The following HIBCH variants were observed in gnomAD, a reference collection of about 807,000 sequenced individuals.
HIBCH encodes the protein 3-hydroxyisobutyryl-CoA hydrolase, also known as 3-hydroxyisobutyryl-CoA hydrolase, mitochondrial.
A neutral mutation model predicts 58.2 loss-of-function variants in HIBCH; 50 were observed. The ratio of observed to expected loss-of-function variants is 0.86; its 90% confidence interval spans 0.68 to 1.09. The LOEUF is 1.09. HIBCH is among the 50% of genes least tolerant of loss of function. The pLI, the probability that HIBCH is intolerant of heterozygous loss-of-function variation, is 0.00. For synonymous variants in HIBCH, 151 were observed against 146.9 expected (o/e 1.03, Z -0.20); for missense variants, 450 against 449.7 (o/e 1.00, Z -0.01).
At chr2:190,219,755 G>A (rs1685663885) in intron 11 of HIBCH, among the ~76,000 whole-genome samples, 1 of 152,182 alleles carries the variant, frequency 6.6e-6, no homozygotes, top group African/African-American at 2.4e-5. Context: ...TAAATTGCTT[G>A]TTAAAACCAT....
intron 2 of HIBCH, among the ~76,000 whole-genome samples, chr2:190,303,315 C>T (rs1414639948): frequency 6.6e-6 from 1 of 152,026 alleles, no homozygotes; most frequent in African/African-American, 2.4e-5. Flanking sequence ...ATCTTGATTT[C>T]CAAATGCAAT....
intron 11 of HIBCH, among the ~76,000 whole-genome samples, chr2:190,229,121 T>C (rs1004105592): frequency 6.6e-6 from 1 of 152,216 alleles, no homozygotes. Flanking sequence ...GTAGAGGCTA[T>C]ATCCTGAGAT....
intron 6 of HIBCH, among the ~76,000 whole-genome samples, chr2:190,273,867 T>C (rs1476773770): frequency 6.6e-6 from 1 of 152,078 alleles, no homozygotes; most frequent in East Asian, 1.9e-4. Flanking sequence ...TCAGATGCAG[T>C]GAGACAATCA....
intron 1 of HIBCH, among the ~76,000 whole-genome samples, chr2:190,312,077 C>CA (rs528060546): frequency 4.1e-4 from 63 of 152,146 alleles, no homozygotes; most frequent in African/African-American, 1.4e-3. Context: ...TACTCAAGTG[C>CA]CTTATGTAAA....
intron 11 of HIBCH, among the ~76,000 whole-genome samples, chr2:190,220,869 C>T (rs1236116807): frequency 2.0e-5 from 3 of 152,138 alleles, no homozygotes; most frequent in Non-Finnish European, 4.4e-5. Flanking sequence ...GTCAATGAAG[C>T]TCCAATTCCC....
In HIBCH at chr2:190,304,563, G is replaced by C. The variant is rs1688355271; in HGVS notation, c.78+6191C>G. ...TACCTTTCAATACATCCACACTGGGGGTTAAATTTCGAAATGAGTTTTGGA... is the reference window on the plus strand; with the variant it reads ...TACCTTTCAATACATCCACACTGGGCGTTAAATTTCGAAATGAGTTTTGGA... On this transcript the variant is annotated intron_variant, in intron 2 of 13. Transcript: ENST00000359678. The surrounding 1 kb of genome is among the most constrained non-coding windows in gnomAD (Gnocchi z 4.1). Among the ~76,000 whole-genome samples the C allele has an allele frequency of 6.6e-6, 1 of 152,100 alleles. No individual in the cohort carries two copies. The highest frequency in any genetic ancestry group is 1.5e-5 in the Non-Finnish European group (1 of 68,010).
At chr2:190,192,221 C>T (rs577781832) in intron 1 of HIBCH, among the ~76,000 whole-genome samples, 6 of 151,888 alleles carry the variant, frequency 4.0e-5, no homozygotes, top group African/African-American at 1.4e-4. Context: ...ATCCTTTTTG[C>T]ATTCATTGTT....
At chr2:190,251,254 C>G (rs1340968418) in intron 8 of HIBCH, among the ~76,000 whole-genome samples, 116 of 151,948 alleles carry the variant, frequency 7.6e-4, no homozygotes, top group Admixed American at 7.6e-3. Flanking sequence ...CCTAAAACAC[C>G]CTTCCCTTAA....
At chr2:190,199,784 A>G (rs1382245286), downstream of HIBCH, 2 of 1,561,488 alleles carry the variant, frequency 1.3e-6, no homozygotes, top group African/African-American at 2.7e-5. Flanking sequence ...CATCACATGG[A>G]CAAATTTCAT....
In HIBCH at chr2:190,249,668, G is replaced by A. The variant is rs1232768273; in HGVS notation, c.722C>T (p.Ala241Val). The A allele has an allele frequency of 6.2e-7, 1 of 1,604,522 alleles. No homozygotes were observed. Among genetic ancestry groups the A allele is most frequent in the South Asian group, 1.1e-5 (1 of 90,838 alleles). ...TGTATGGTAATTTTCTAAGACAGATGCAATATTTTCTTTTGAAGGAGATTT... is the reference window on the plus strand; with the variant it reads ...TGTATGGTAATTTTCTAAGACAGATACAATATTTTCTTTTGAAGGAGATTT... The part of the protein sequence containing the change: ...ALKSPSKENI[A>V]SVLENYHTES... Residue 241 changes from alanine to valine, a missense_variant, in exon 9 of 14, where the codon GCA (alanine) becomes GTA (valine). By Grantham distance (64) the Ala-to-Val change is moderately conservative. Transcript: ENST00000359678.
intron 7 of HIBCH, among the ~76,000 whole-genome samples, chr2:190,258,857 C>T (rs901629952): frequency 1.3e-5 from 2 of 152,156 alleles, no homozygotes; most frequent in African/African-American, 4.8e-5. Context: ...GTTTTTCTGA[C>T]ATCATTTATT....
At chr2:190,271,436 C>T (rs181425971) in intron 6 of HIBCH, among the ~76,000 whole-genome samples, 15 of 151,792 alleles carry the variant, frequency 9.9e-5, no homozygotes, top group Admixed American at 3.3e-4. Flanking sequence ...ATTACAGGTG[C>T]GCACCACTGG....
At chr2:190,203,424 A>C (rs1265021003), downstream of HIBCH, 1 of 166,934 alleles carries the variant, frequency 6.0e-6, no homozygotes, top group African/African-American at 2.4e-5. Flanking sequence ...TATTTTTTCC[A>C]AATATTTTTC....
intron 1 of HIBCH, among the ~76,000 whole-genome samples, chr2:190,195,940 G>GTT (rs1559000757): frequency 2.9e-5 from 1 of 34,362 alleles, no homozygotes; most frequent in African/African-American, 6.4e-5. Context: ...ACTGTGTCCA[G>GTT]CTTTTTTTTT....
At chr2:190,230,410 T>C (rs1156882785) in intron 11 of HIBCH, among the ~76,000 whole-genome samples, 3 of 152,230 alleles carry the variant, frequency 2.0e-5, no homozygotes, top group African/African-American at 7.2e-5. Context: ...GTATTCTTTA[T>C]TAAAGAAATA....
intron 11 of HIBCH, among the ~76,000 whole-genome samples, chr2:190,219,357 A>C (rs894862915): frequency 6.6e-6 from 1 of 152,234 alleles, no homozygotes; most frequent in African/African-American, 2.4e-5. Context: ...AAGTGCCCTG[A>C]ATCGGCTTAG....
At chr2:190,305,866 T>C (rs930083540) in intron 2 of HIBCH, among the ~76,000 whole-genome samples, 5 of 152,266 alleles carry the variant, frequency 3.3e-5, no homozygotes, top group Admixed American at 2.0e-4. Context: ...ATAATCTCAG[T>C]AAGATTTTTT....
rs1317966208 is a variant in HIBCH at position 190,315,669 on chromosome 2, C to T, written c.35+4047G>A. Among the ~76,000 whole-genome samples, 1 of 152,110 alleles carries T rather than the reference C, an allele frequency of 6.6e-6. No individual in the cohort carries two copies. Among genetic ancestry groups the T allele is most frequent in the Non-Finnish European group, 1.5e-5 (1 of 68,020 alleles). On this transcript the variant is annotated intron_variant, in intron 1 of 13. Transcript: ENST00000359678. This position sits in a 1 kb window ranked among gnomAD's most constrained non-coding sequence, Gnocchi z 5.4. ...ATCCCAGAAGTAGGCAAGGTGTGAA[C>T]AGAGCAGAAAATCAAGTCCAGGAGG...
chr2:190,310,764 A>G lies in HIBCH; in HGVS notation c.68T>C (p.Leu23Pro), dbSNP rs1415490127. ...FNAFKRTNTI[L>P]HHLRMSKHTD... ...AACACAATAACTTACCAAATGGTGC[A>G]GTATGGTATTAGTCCTTTTGAATGC... Residue 23 changes from leucine to proline, a missense_variant, in exon 2 of 14, where the codon CTG becomes CCG. Physicochemically the swap from Leu to Pro is moderately conservative, Grantham distance 98 (BLOSUM62 -3). Coordinates refer to ENST00000359678, the MANE Select transcript of HIBCH (RefSeq NM_014362.4). 1 of 1,608,970 alleles carries G rather than the reference A, an allele frequency of 6.2e-7. No homozygotes were observed. Among genetic ancestry groups the G allele is most frequent in the African/African-American group, 1.3e-5 (1 of 74,858 alleles).
Sources: gnomAD v4.1 joint callset for allele counts (sites outside exome capture counted in the v4.1 genomes callset) on GRCh38, gnomAD v4.1.1 for gene constraint, Gnocchi (gnomAD v3.1) non-coding constraint, MANE v1.5 for transcripts, NCBI Gene and HGNC (gene_info 2026-07-23, HGNC 2026-07-21) for gene names.